Variants in USP3 observed in about 807,000 individuals in gnomAD.
USP3 encodes the protein ubiquitin specific peptidase 3, also known as ubiquitin carboxyl-terminal hydrolase 3.
USP3 carries 20 observed loss-of-function variants against 72.3 expected under a neutral mutation model. The observed-to-expected ratio is 0.28, with a 90% CI of 0.19 to 0.40. The LOEUF (loss-of-function observed/expected upper bound fraction) is 0.40, where lower values mean the gene tolerates loss of function less well. Among genes scored for constraint, USP3 ranks in the 10% least tolerant of loss-of-function variants. USP3 has a pLI of 1.00. For missense variants in USP3, 479 were observed against 633.9 expected, an observed-to-expected ratio of 0.76 and a Z score of 2.62; for synonymous variants, 222 against 225.3, an observed-to-expected ratio of 0.99 and a Z score of 0.13.
chr15:63,540,150 G>T (rs954039643), intron 3 of USP3, among the ~76,000 whole-genome samples: 5 of 152,112 alleles, frequency 3.3e-5, no homozygotes, highest in African/African-American at 1.2e-4. Context: ...TGTGCTCTGT[G>T]CCCTAGAGAA....
At chr15:63,552,495 G>A (rs2066451213) in intron 3 of USP3, among the ~76,000 whole-genome samples, 1 of 152,144 alleles carries the variant, frequency 6.6e-6, no homozygotes, top group African/African-American at 2.4e-5. Context: ...GACTGCTTTT[G>A]CTCTTTGTGG....
intron 2 of USP3, among the ~76,000 whole-genome samples, chr15:63,533,036 A>C (rs1169811522): frequency 6.6e-6 from 1 of 152,164 alleles, no homozygotes. Context: ...ACCTTTTATT[A>C]GGGTAAAATT....
intron 3 of USP3, among the ~76,000 whole-genome samples, chr15:63,550,717 A>C (rs1040387976): frequency 2.6e-5 from 4 of 152,224 alleles, no homozygotes; most frequent in African/African-American, 9.6e-5. Context: ...TTATTCACTG[A>C]CAGTTGCTTG....
chr15:63,544,794 T>C lies in USP3; in HGVS notation c.284+7638T>C, dbSNP rs1412294132. On this transcript the variant is annotated intron_variant, in intron 3 of 14. Coordinates refer to ENST00000380324, the MANE Select transcript of USP3 (RefSeq NM_006537.4). The surrounding 1 kb of genome is among the most constrained non-coding windows in gnomAD (Gnocchi z 4.2). Reference sequence around the variant, plus strand: ...AAAACTAGAGCAGGTAACACTGAAGTGAAAGGGAAGATTGGGAGGGAAGGG... The same window carrying C: ...AAAACTAGAGCAGGTAACACTGAAGCGAAAGGGAAGATTGGGAGGGAAGGG... 4.3e-6 allele frequency: 3 copies of C among 695,312 alleles called. No homozygotes were observed. The highest frequency in any genetic ancestry group is 7.8e-6 in the Non-Finnish European group (3 of 382,418). The allele number at this position is 695,312 out of a possible 1,614,324, so 43.1% of individuals were successfully genotyped here.
At position 63,574,446 on chromosome 15, in the gene USP3, A is replaced by ATT. The variant is rs746328478; in HGVS notation, c.1096+44_1096+45dup. The ATT allele has an allele frequency of 1.0e-5, 14 of 1,402,116 alleles. No homozygotes were observed. The highest frequency in any genetic ancestry group is 1.4e-5 in the Non-Finnish European group (14 of 1,017,022). 86.9% of individuals were successfully genotyped at this position (1,402,116 alleles called of 1,614,324 possible). On this transcript the variant is annotated intron_variant, in intron 11 of 14. Coordinates refer to ENST00000380324, the MANE Select transcript of USP3 (RefSeq NM_006537.4). This position sits in a 1 kb window ranked among gnomAD's most constrained non-coding sequence, Gnocchi z 4.6. Reference sequence around the variant, plus strand: ...TTCTAAAAATTTTTTTCTTTAAATAATTGAATAGATTGATAAGCTTCATCT... The same window carrying ATT: ...TTCTAAAAATTTTTTTCTTTAAATAATTTTGAATAGATTGATAAGCTTCATCT...
At position 63,577,717 on chromosome 15, in the gene USP3, A is replaced by G. The variant is rs375794948; in HGVS notation, c.1096+3314A>G. Reference sequence around the variant, plus strand: ...CAGTGAGCTGAAATCGTGCAACCGCACTCCAGCCTGGTGACAGAGCGAGAC... The same window carrying G: ...CAGTGAGCTGAAATCGTGCAACCGCGCTCCAGCCTGGTGACAGAGCGAGAC... On this transcript the variant is annotated intron_variant, in intron 11 of 14. Coordinates refer to ENST00000380324, the MANE Select transcript of USP3 (RefSeq NM_006537.4). Among the ~76,000 whole-genome samples the G allele has an allele frequency of 3.9e-5, 6 of 152,338 alleles. No individual in the cohort carries two copies. The East Asian group carries it at 1.2e-3, about 29-fold the overall frequency.
chr15:63,585,583 C>G (rs1347230776), intron 11 of USP3, among the ~76,000 whole-genome samples: 1 of 152,078 alleles, frequency 6.6e-6, no homozygotes, highest in Non-Finnish European at 1.5e-5. Flanking sequence ...TCTTTTCATT[C>G]CCTTGACAGT....
intron 11 of USP3, among the ~76,000 whole-genome samples, chr15:63,575,045 C>G (rs962334237): frequency 6.6e-6 from 1 of 151,648 alleles, no homozygotes; most frequent in Non-Finnish European, 1.5e-5. Flanking sequence ...GAGGCCGAGT[C>G]TGTATTTTAT....
chr15:63,530,521 A>G (rs955942013), intron 1 of USP3: 2 of 359,898 alleles, frequency 5.6e-6, no homozygotes, highest in Non-Finnish European at 1.1e-5. Context: ...CCATTTTACC[A>G]AAGCTGGTCT....
Position 63,576,837 on chromosome 15 carries a change from G to A in USP3, c.1096+2434G>A, listed in dbSNP as rs925694302. Among the ~76,000 whole-genome samples the A allele has an allele frequency of 7.0e-4, 106 of 152,196 alleles. 1 individual carries two copies. Among genetic ancestry groups the A allele is most frequent in the African/African-American group, 2.5e-3 (104 of 41,526 alleles). ...GGTACCTCCTCACTGTGTTTTTGTT[G>A]ACCACCCTTATCATTAAGGGCACTT... On this transcript the variant is annotated intron_variant, in intron 11 of 14. Coordinates refer to ENST00000380324, the MANE Select transcript of USP3 (RefSeq NM_006537.4).
intron 1 of USP3, 110 bp from the exon 2 acceptor site, chr15:63,532,535 CTT>C (rs2066091939): frequency 1.5e-6 from 2 of 1,292,090 alleles, no homozygotes; most frequent in Non-Finnish European, 2.2e-6. Context: ...GGATTTGCAA[CTT>C]CAGCATTCCT....
rs564131669 is a variant in USP3, at chr15:63,514,763, A to T, written c.91+9933A>T. On this transcript the variant is annotated intron_variant, in intron 1 of 14. Transcript: ENST00000380324. ...ATACGAGTCTTTTCTTATATTGCAT[A>T]CACTTGCAACTATTATTTTGAAATA... is the stretch of plus-strand genomic sequence containing the variant. Among the ~76,000 whole-genome samples the T allele has an allele frequency of 7.0e-4, 107 of 152,234 alleles. 1 individual carries two copies. Among genetic ancestry groups the T allele is most frequent in the African/African-American group, 2.5e-3 (104 of 41,526 alleles).
intron 11 of USP3, among the ~76,000 whole-genome samples, chr15:63,575,158 G>GTTT (rs11321018): frequency 4.1e-5 from 5 of 121,486 alleles, no homozygotes; most frequent in Non-Finnish European, 8.6e-5. Context: ...TGTCATGATG[G>GTTT]TTTTTTTTTT....
At chr15:63,511,690 C>T (rs2065784722) in intron 1 of USP3, among the ~76,000 whole-genome samples, 1 of 152,122 alleles carries the variant, frequency 6.6e-6, no homozygotes, top group East Asian at 1.9e-4. Context: ...ATTGAAGTCT[C>T]TCCACCCCCC....
At chr15:63,565,272 G>T (rs1002469586) in intron 8 of USP3, among the ~76,000 whole-genome samples, 1 of 152,100 alleles carries the variant, frequency 6.6e-6, no homozygotes, top group African/African-American at 2.4e-5. Flanking sequence ...TTTGGATAGA[G>T]AAATCATTAA....
chr15:63,568,333 G>A (rs2066726692), intron 8 of USP3, among the ~76,000 whole-genome samples: 2 of 143,640 alleles, frequency 1.4e-5, no homozygotes, highest in Admixed American at 7.2e-5. Context: ...CCAGCCTGAC[G>A]ACAGAGCGAG....
chr15:63,519,045 G>A (rs750435286), intron 1 of USP3, among the ~76,000 whole-genome samples: 4 of 152,198 alleles, frequency 2.6e-5, no homozygotes, highest in African/African-American at 9.7e-5. Flanking sequence ...GATTACAAGC[G>A]TGAGCCACCG....
At chr15:63,526,597 T>G (rs2065985854) in intron 1 of USP3, among the ~76,000 whole-genome samples, 1 of 152,092 alleles carries the variant, frequency 6.6e-6, no homozygotes, top group South Asian at 2.1e-4. Context: ...GTTCTTGAGT[T>G]TCACTGTTGT....
In USP3 at chr15:63,530,244, G is replaced by A. The variant is rs533280268; in HGVS notation, c.92-2403G>A. On this transcript the variant is annotated intron_variant, in intron 1 of 14. Transcript: ENST00000380324. ...TTTTTTCTCCCAGATTTGAGTTACC[G>A]TCATCCTTCCTTCCCTCCCTCCCTG... Among the ~76,000 whole-genome samples, 222 of 149,080 alleles carry A rather than the reference G, an allele frequency of 1.5e-3. 1 individual carries two copies. The highest frequency in any genetic ancestry group is 2.3e-3 in the Non-Finnish European group (155 of 67,524).
Sources: allele counts gnomAD v4.1 joint callset (sites outside exome capture counted in the v4.1 genomes callset), GRCh38; gene constraint gnomAD v4.1.1; non-coding constraint Gnocchi (gnomAD v3.1); transcripts MANE v1.5; gene names NCBI Gene and HGNC (gene_info 2026-07-23, HGNC 2026-07-21).